The following CCR3 variants were observed in gnomAD, a reference collection of about 807,000 sequenced individuals.
CCR3 encodes the protein C-C chemokine receptor type 3.
For synonymous variants in CCR3, 203 were observed against 179.2 expected (o/e 1.13, Z -1.06); for missense variants, 419 against 437.5 (o/e 0.96, Z 0.38).
chr3:46,224,755 A>AAT (rs1205720236), intron 2 of CCR3, among the ~76,000 whole-genome samples: 5 of 149,374 alleles, frequency 3.3e-5, no homozygotes, highest in African/African-American at 4.9e-5. Context: ...AAAAAAAAAA[A>AAT]GCCATCAACA....
chr3:46,241,088 C>T (rs915798064), upstream of CCR3, among the ~76,000 whole-genome samples: 7 of 151,724 alleles, frequency 4.6e-5, no homozygotes, highest in Admixed American at 1.3e-4. Context: ...GGAAACTGAG[C>T]CCCTTCCTCC....
intron 2 of CCR3, among the ~76,000 whole-genome samples, chr3:46,220,795 T>C (rs1699827239): frequency 6.6e-6 from 1 of 152,158 alleles, no homozygotes; most frequent in South Asian, 2.1e-4. Context: ...AAGTGGAAGC[T>C]ATGCTGTGAG....
At chr3:46,212,478 C>T (rs1485877054) in intron 2 of CCR3, among the ~76,000 whole-genome samples, 2 of 140,372 alleles carry the variant, frequency 1.4e-5, no homozygotes, top group African/African-American at 5.2e-5. Flanking sequence ...CCCCTCTTGG[C>T]CCCCCTACCA....
At chr3:46,235,415 C>T (rs1223624338) in intron 2 of CCR3, among the ~76,000 whole-genome samples, 1 of 152,226 alleles carries the variant, frequency 6.6e-6, no homozygotes, top group African/African-American at 2.4e-5. Flanking sequence ...TTCCTACAAG[C>T]ACTTCTCATA....
At chr3:46,223,225 A>G (rs1401068422) in intron 2 of CCR3, among the ~76,000 whole-genome samples, 1 of 152,180 alleles carries the variant, frequency 6.6e-6, no homozygotes, top group Non-Finnish European at 1.5e-5. Context: ...GGTGGTGGAC[A>G]TCTGTAATCC....
chr3:46,245,430 G>A (rs774730466), intron 1 of CCR3, among the ~76,000 whole-genome samples: 27 of 148,074 alleles, frequency 1.8e-4, no homozygotes, highest in Admixed American at 8.8e-4. Context: ...TCTATCTTAC[G>A]TGGGCCTAAA....
intron 1 of CCR3, among the ~76,000 whole-genome samples, chr3:46,243,422 A>T (rs1700133174): frequency 1.3e-5 from 2 of 152,166 alleles, no homozygotes; most frequent in Non-Finnish European, 1.5e-5. Flanking sequence ...ATATATATTT[A>T]TTTGAAGTTT....
Position 46,265,935 on chromosome 3 carries a change from C to A in CCR3, c.777C>A (p.Ile259=), listed in dbSNP as rs1222606575. The change falls in exon 2 of 2, where the codon ATC becomes ATA. Residue 259 remains isoleucine (I), a synonymous_variant. Coordinates refer to ENST00000395940, the MANE Select transcript of CCR3 (RefSeq NM_178329.3). ...TCTGGACACCCTACAATGTGGCTAT[C>A]CTTCTCTCTTCCTATCAATCCATCT... ...FIFWTPYNVA[I]LLSSYQSILF... 6.2e-7 allele frequency: 1 copy of A among 1,613,982 alleles called. No homozygotes were observed. Among genetic ancestry groups the A allele is most frequent in the Non-Finnish European group, 8.5e-7 (1 of 1,180,018 alleles).
intron 2 of CCR3, among the ~76,000 whole-genome samples, chr3:46,216,352 T>A (rs1440274788): frequency 6.6e-6 from 1 of 152,196 alleles, no homozygotes; most frequent in East Asian, 1.9e-4. Flanking sequence ...AAGGCACCTG[T>A]GTCTCTGGAA....
At chr3:46,244,509 T>C (rs1040777574) in intron 1 of CCR3, among the ~76,000 whole-genome samples, 1 of 151,988 alleles carries the variant, frequency 6.6e-6, no homozygotes, top group Non-Finnish European at 1.5e-5. Flanking sequence ...TTATAGGATT[T>C]GGGTAGATAA....
At position 46,265,151 on chromosome 3, in the gene CCR3, G is replaced by A. The variant is rs4987124; in HGVS notation, c.-8G>A. On this transcript the variant is annotated 5_prime_UTR_variant, in exon 2 of 2. Transcript: ENST00000395940. ...TATTTTTCTTCTTCTATCACAGGGA[G>A]AAGTGAAATGACAACCTCACTAGAT... 3,644 of 1,578,832 alleles carry A rather than the reference G, an allele frequency of 2.3e-3. 70 individuals are homozygous for A. In the African/African-American group the frequency reaches 0.036, roughly 16 times the overall value.
intron 2 of CCR3, among the ~76,000 whole-genome samples, chr3:46,214,881 A>G (rs1007170974): frequency 6.6e-6 from 1 of 152,110 alleles, no homozygotes; most frequent in Non-Finnish European, 1.5e-5. Context: ...CCAAGAGCAC[A>G]TTATCCCCTC....
chr3:46,248,276 A>G (rs996263698), intron 1 of CCR3, among the ~76,000 whole-genome samples: 2 of 152,118 alleles, frequency 1.3e-5, no homozygotes, highest in Non-Finnish European at 2.9e-5. Context: ...CAGAAAGTAT[A>G]TGCATCAGGT....
chr3:46,218,179 A>G (rs952093588), intron 2 of CCR3, among the ~76,000 whole-genome samples: 1 of 152,126 alleles, frequency 6.6e-6, no homozygotes, highest in Non-Finnish European at 1.5e-5. Context: ...ATTCAAGGCT[A>G]CTATAAGCAA....
At chr3:46,249,467 A>G (rs865817844) in intron 1 of CCR3, among the ~76,000 whole-genome samples, 38 of 152,186 alleles carry the variant, frequency 2.5e-4, no homozygotes, top group African/African-American at 8.2e-4. Flanking sequence ...TAGCCTCTGT[A>G]TTGATTAAGA....
At chr3:46,253,421 A>T (rs984587024) in intron 1 of CCR3, among the ~76,000 whole-genome samples, 1 of 151,868 alleles carries the variant, frequency 6.6e-6, no homozygotes, top group Non-Finnish European at 1.5e-5. Context: ...CCCAAAGTGG[A>T]TTTTCTCCAG....
At chr3:46,258,050 G>T (rs893442844) in intron 1 of CCR3, among the ~76,000 whole-genome samples, 1 of 152,188 alleles carries the variant, frequency 6.6e-6, no homozygotes, top group Non-Finnish European at 1.5e-5. Context: ...CAGCTGATTG[G>T]ATGGTGCCTG....
chr3:46,240,177 A>G (rs1051144826), upstream of CCR3, among the ~76,000 whole-genome samples: 3 of 152,272 alleles, frequency 2.0e-5, no homozygotes, highest in Admixed American at 6.5e-5. Flanking sequence ...GGGCCTGCAA[A>G]ATTCCACCCT....
At chr3:46,222,878 T>C (rs1164579133) in intron 2 of CCR3, among the ~76,000 whole-genome samples, 1 of 152,250 alleles carries the variant, frequency 6.6e-6, no homozygotes, top group Non-Finnish European at 1.5e-5. Context: ...ATTTATTTCC[T>C]CATCCTATGC....
Sources: allele counts gnomAD v4.1 joint callset (sites outside exome capture counted in the v4.1 genomes callset), GRCh38; gene constraint gnomAD v4.1.1; transcripts MANE v1.5; gene names NCBI Gene and HGNC (gene_info 2026-07-23, HGNC 2026-07-21).